PALM: variants seen among roughly 807,000 people sequenced by gnomAD.
PALM encodes paralemmin, also known as paralemmin-1.
A neutral mutation model predicts 30.7 loss-of-function variants in PALM; 18 were observed. That is an observed-to-expected ratio of 0.59 (90% confidence interval 0.41 to 0.87). PALM has a LOEUF of 0.87. Ranked by LOEUF, PALM falls within the 40% of genes least tolerant of loss-of-function variation. The pLI, the probability that PALM is intolerant of heterozygous loss-of-function variation, is 0.00. For missense variants in PALM, 529 were observed against 555.4 expected (o/e 0.95, Z 0.48); for synonymous variants, 286 against 242.8 (o/e 1.18, Z -1.66).
chr19:746,357 T>C lies in PALM; in HGVS notation c.707T>C (p.Ile236Thr). ...AGCTCCTCCGAGGTGGACGAACTCA[T>C]CCACAAAGCGGACGAGGTCACGCTG... ...PLSSSEVDELIHKADEVTLSE... is the reference protein window; with the variant it reads ...PLSSSEVDELTHKADEVTLSE... The change falls in exon 9 of 9, where the codon ATC becomes ACC. Residue 236 changes from isoleucine to threonine, a missense_variant. Physicochemically the swap from Ile to Thr is moderately conservative, Grantham distance 89. Coordinates refer to ENST00000338448, the MANE Select transcript of PALM (RefSeq NM_002579.3). The surrounding 1 kb of genome is among the most constrained non-coding windows in gnomAD (Gnocchi z 7.1). The C allele has an allele frequency of 1.2e-6, 2 of 1,613,100 alleles. No individual in the cohort carries two copies. Among genetic ancestry groups the C allele is most frequent in the Non-Finnish European group, 1.7e-6 (2 of 1,179,806 alleles).
chr19:713,343 G>A (rs1262047132), intron 1 of PALM, among the ~76,000 whole-genome samples: 3 of 152,014 alleles, frequency 2.0e-5, no homozygotes, highest in African/African-American at 7.2e-5. Context: ...TGTGGAGAGG[G>A]GGTCCTGACT....
chr19:735,131 C>T (rs2144903726), intron 6 of PALM: 1 of 675,614 alleles, frequency 1.5e-6, no homozygotes, highest in South Asian at 5.3e-5. Context: ...CTGTGCGGGG[C>T]CTGTGTCTGG....
At position 742,897 on chromosome 19, in the gene PALM, G is replaced by A. The variant is rs984520120; in HGVS notation, c.634+2414G>A. 1.3e-5 allele frequency among the ~76,000 whole-genome samples: 2 copies of A among 152,138 alleles called. No homozygotes were observed. Among genetic ancestry groups the A allele is most frequent in the African/African-American group, 4.8e-5 (2 of 41,416 alleles). Reference sequence around the variant, plus strand: ...AGTATTTGTTCACGCCCCTGCTTTCGAGGCCTTTGGGTGTACACGTAGGAG... The same window carrying A: ...AGTATTTGTTCACGCCCCTGCTTTCAAGGCCTTTGGGTGTACACGTAGGAG... On this transcript the variant is annotated intron_variant, in intron 8 of 8. Coordinates refer to ENST00000338448, the MANE Select transcript of PALM (RefSeq NM_002579.3). The surrounding 1 kb of genome is among the most constrained non-coding windows in gnomAD (Gnocchi z 5.5).
In PALM at chr19:727,620, G is replaced by C; in HGVS notation, c.195G>C (p.Glu65Asp). The change falls in exon 4 of 9, where the codon GAG (glutamate) becomes GAC (aspartate). Residue 65 changes from glutamate (E) to aspartate (D), a missense_variant. Glu to Asp is a conservative substitution (Grantham distance 45). Transcript: ENST00000338448. ...AGGGGACGCCGTCCTCGGCCTCAGA[G>C]GGGGATGAGGACCTGAGGAGGCAGA... is the stretch of plus-strand genomic sequence containing the variant. The part of the protein sequence containing the change: ...LLEGTPSSAS[E>D]GDEDLRRQMQ... 2 of 1,577,690 alleles carry C rather than the reference G, an allele frequency of 1.3e-6. No homozygotes were observed.
intron 1 of PALM, among the ~76,000 whole-genome samples, chr19:717,488 C>G (rs886518531): frequency 5.3e-5 from 8 of 152,150 alleles, no homozygotes; most frequent in Non-Finnish European, 1.5e-5. Context: ...AGCCTCGCTC[C>G]TGTTCACGGC....
chr19:739,000 G>A (rs969585460), intron 7 of PALM, among the ~76,000 whole-genome samples: 5 of 152,194 alleles, frequency 3.3e-5, no homozygotes, highest in African/African-American at 9.7e-5. Context: ...TTCAGCTCCC[G>A]CTGCGGGGCG....
chr19:733,153 T>A (rs2032923145), intron 5 of PALM, among the ~76,000 whole-genome samples: 2 of 152,164 alleles, frequency 1.3e-5, no homozygotes, highest in Non-Finnish European at 2.9e-5. Flanking sequence ...CTCGAACTCC[T>A]GACCTCAGGT....
intron 7 of PALM, among the ~76,000 whole-genome samples, chr19:738,623 C>A (rs543079186): frequency 1.3e-5 from 2 of 151,926 alleles, no homozygotes; most frequent in Admixed American, 6.5e-5. Context: ...GTGTTATGGA[C>A]GTGTGAGAGT....
intron 7 of PALM, among the ~76,000 whole-genome samples, chr19:739,050 A>G (rs2033108690): frequency 6.6e-6 from 1 of 152,126 alleles, no homozygotes; most frequent in Non-Finnish European, 1.5e-5. Context: ...AGTGCTCGTC[A>G]TCTTCAAGCA....
At position 742,605 on chromosome 19, in the gene PALM, CAAAAAAA is replaced by C. The variant is rs893995885; in HGVS notation, c.634+2130_634+2136del. ...GTGCGACAAGAGTGAAACTCTGTCT[CAAAAAAA>C]AAAAAAAGAAAGAAAAGAGAATAAA... On this transcript the variant is annotated intron_variant, in intron 8 of 8. Coordinates refer to ENST00000338448, the MANE Select transcript of PALM (RefSeq NM_002579.3). This position sits in a 1 kb window ranked among gnomAD's most constrained non-coding sequence, Gnocchi z 5.5. Among the ~76,000 whole-genome samples, 2 of 57,660 alleles carry C rather than the reference CAAAAAAA, an allele frequency of 3.5e-5. No homozygotes were observed. Among genetic ancestry groups the C allele is most frequent in the Admixed American group, 3.3e-4 (2 of 6,148 alleles). The allele number at this position is 57,660 out of a possible 152,430, so 37.8% of individuals were successfully genotyped here.
At chr19:729,753 C>T (rs965758203) in intron 4 of PALM, among the ~76,000 whole-genome samples, 14 of 152,068 alleles carry the variant, frequency 9.2e-5, no homozygotes, top group Admixed American at 7.9e-4. Flanking sequence ...TGAGCCACTG[C>T]GCCTGGCCCC....
At chr19:745,015 A>T (rs1183272867) in intron 8 of PALM, among the ~76,000 whole-genome samples, 1 of 151,432 alleles carries the variant, frequency 6.6e-6, no homozygotes, top group Non-Finnish European at 1.5e-5. Context: ...CCCCATCTCT[A>T]CTAAACGTAC....
intron 6 of PALM, 127 bp downstream of exon 6, chr19:734,321 A>T (rs1003001716): frequency 3.5e-6 from 3 of 865,278 alleles, no homozygotes; most frequent in Non-Finnish European, 5.5e-6. Context: ...GCACTTTGGG[A>T]GGCCGAGGCG....
At chr19:712,633 T>C (rs540017148) in intron 1 of PALM, among the ~76,000 whole-genome samples, 1 of 152,166 alleles carries the variant, frequency 6.6e-6, no homozygotes, top group Non-Finnish European at 1.5e-5. Flanking sequence ...TCCACCTGCC[T>C]TGGCCTCCCA....
intron 1 of PALM, among the ~76,000 whole-genome samples, chr19:716,149 C>T (rs185688466): frequency 2.0e-5 from 3 of 152,214 alleles, no homozygotes; most frequent in South Asian, 2.1e-4. Context: ...TGGTGGCTCA[C>T]GCCTGTAATC....
Position 726,995 on chromosome 19 carries a change from G to GCCCCCCCCCC in PALM, c.58-10_58-9insCCCCCCCCCC. On this transcript the variant is annotated splice_polypyrimidine_tract_variant and intron_variant, in intron 2 of 8. Transcript: ENST00000338448. Reference sequence around the variant, plus strand: ...CCACGCCCATCCCTGACCCCACCCGGCCCTCCCCACAGGAGAAGCGGAAGC... The same window carrying GCCCCCCCCCC: ...CCACGCCCATCCCTGACCCCACCCGGCCCCCCCCCCCCCTCCCCACAGGAGAAGCGGAAGC... 3 of 753,606 alleles carry GCCCCCCCCCC rather than the reference G, an allele frequency of 4.0e-6. No individual in the cohort carries two copies. The highest frequency in any genetic ancestry group is 6.3e-6 in the Non-Finnish European group (3 of 479,432). The allele number at this position is 753,606 out of a possible 1,614,324, so 46.7% of individuals were successfully genotyped here.
chr19:743,182 G>A (rs1006607958), intron 8 of PALM, among the ~76,000 whole-genome samples: 3 of 152,242 alleles, frequency 2.0e-5, no homozygotes, highest in Admixed American at 6.5e-5. Context: ...AGGGGTCCCC[G>A]CAGCCCAGCT....
intron 1 of PALM, among the ~76,000 whole-genome samples, chr19:723,882 C>T (rs898817621): frequency 5.3e-5 from 8 of 152,192 alleles, no homozygotes; most frequent in African/African-American, 1.7e-4. Flanking sequence ...AGGCGTGAGC[C>T]ACCGCGCCCG....
chr19:746,740 C>A lies in PALM; in HGVS notation c.1090C>A (p.Pro364Thr). 1 of 1,600,738 alleles carries A rather than the reference C, an allele frequency of 6.2e-7. No individual in the cohort carries two copies. The highest frequency in any genetic ancestry group is 8.5e-7 in the Non-Finnish European group (1 of 1,175,828). ...CTCCAGGGAAGAGAATCAGGCGGGG[C>A]CCGAGGCCACCACCAGCGACCCCCA... ...AASREENQAGPEATTSDPQDL... is the reference protein window; with the variant it reads ...AASREENQAGTEATTSDPQDL... The change falls in exon 9 of 9, where the codon CCC (proline) becomes ACC (threonine). Residue 364 changes from proline to threonine, a missense_variant. Transcript: ENST00000338448. This position sits in a 1 kb window ranked among gnomAD's most constrained non-coding sequence, Gnocchi z 7.1.
Sources: gnomAD v4.1 joint callset for allele counts (sites outside exome capture counted in the v4.1 genomes callset) on GRCh38, gnomAD v4.1.1 for gene constraint, Gnocchi (gnomAD v3.1) non-coding constraint, MANE v1.5 for transcripts, NCBI Gene and HGNC (gene_info 2026-07-23, HGNC 2026-07-21) for gene names.